Variants in TRHDE observed in about 807,000 individuals in gnomAD.
TRHDE encodes the protein thyrotropin-releasing hormone-degrading ectoenzyme.
Under a neutral mutation model 125.7 loss-of-function variants are expected in TRHDE, and 72 were observed. That is an observed-to-expected ratio of 0.57 (90% CI 0.47 to 0.70). The LOEUF (loss-of-function observed/expected upper bound fraction) is 0.70, where lower values mean the gene tolerates loss of function less well. Ranked by LOEUF, TRHDE falls within the 30% of genes least tolerant of loss-of-function variation. The probability of loss-of-function intolerance (pLI) is 0.00; values close to 1 mark genes in which losing one functional copy is unlikely to be tolerated. For missense variants in TRHDE, 1,110 were observed against 1,327.1 expected (o/e 0.84, Z 2.54); for synonymous variants, 509 against 509.1 (o/e 1.00, Z 0.00).
intron 2 of TRHDE, among the ~76,000 whole-genome samples, chr12:72,301,550 G>A (rs1868259845): frequency 6.6e-6 from 1 of 152,166 alleles, no homozygotes; most frequent in African/African-American, 2.4e-5. Context: ...GACAGTTAGT[G>A]GAAATAGCAC....
At chr12:72,099,660 G>A (rs1875022222) in intron 1 of TRHDE, among the ~76,000 whole-genome samples, 1 of 152,154 alleles carries the variant, frequency 6.6e-6, no homozygotes, top group Non-Finnish European at 1.5e-5. Context: ...ATGGTTTCAT[G>A]TAGATACAGA....
At chr12:72,155,890 C>A (rs1012740499) in intron 2 of TRHDE, among the ~76,000 whole-genome samples, 1 of 152,174 alleles carries the variant, frequency 6.6e-6, no homozygotes, top group Non-Finnish European at 1.5e-5. Context: ...TCTCTAGCTG[C>A]GTGCTGGGAG....
chr12:72,475,982 T>G (rs1876874478), intron 5 of TRHDE, among the ~76,000 whole-genome samples: 1 of 152,148 alleles, frequency 6.6e-6, no homozygotes, highest in Non-Finnish European at 1.5e-5. Context: ...AGTGGCACGA[T>G]CTTGGCTCAC....
At chr12:72,322,374 T>C (rs1437349723) in intron 2 of TRHDE, among the ~76,000 whole-genome samples, 1 of 152,130 alleles carries the variant, frequency 6.6e-6, no homozygotes, top group East Asian at 1.9e-4. Context: ...TGCTATCTAG[T>C]GTTTCTCTGT....
intron 2 of TRHDE, among the ~76,000 whole-genome samples, chr12:72,347,900 G>A (rs928321588): frequency 6.6e-6 from 1 of 151,940 alleles, no homozygotes; most frequent in African/African-American, 2.4e-5. Context: ...AGGCTCAGGT[G>A]ACACTCAAAA....
chr12:72,534,365 C>T (rs1565781359), intron 6 of TRHDE, among the ~76,000 whole-genome samples: 1 of 152,062 alleles, frequency 6.6e-6, no homozygotes, highest in Non-Finnish European at 1.5e-5. Flanking sequence ...TGGAAAGTTT[C>T]TTATCTTTGT....
chr12:72,265,861 A>C (rs754995920), intron 2 of TRHDE, among the ~76,000 whole-genome samples: 2 of 151,914 alleles, frequency 1.3e-5, no homozygotes, highest in Non-Finnish European at 2.9e-5. Context: ...ATAAGAAAAC[A>C]CTGTAGTTCA....
intron 12 of TRHDE, among the ~76,000 whole-genome samples, chr12:72,617,878 A>G (rs1469241249): frequency 6.6e-6 from 1 of 152,168 alleles, no homozygotes; most frequent in Non-Finnish European, 1.5e-5. Context: ...AGCCCTCATG[A>G]CCTAATCACT....
At chr12:72,353,013 C>G (rs1213403996) in intron 2 of TRHDE, among the ~76,000 whole-genome samples, 1 of 151,058 alleles carries the variant, frequency 6.6e-6, no homozygotes, top group Admixed American at 6.6e-5. Context: ...AAAAAATTAC[C>G]CAATACAACC....
At chr12:72,430,349 G>A (rs1001833495) in intron 3 of TRHDE, among the ~76,000 whole-genome samples, 21 of 136,648 alleles carry the variant, frequency 1.5e-4, no homozygotes, top group African/African-American at 3.7e-4. Context: ...ATATATACAT[G>A]TATACATATA....
intron 2 of TRHDE, among the ~76,000 whole-genome samples, chr12:72,122,739 G>C (rs935434836): frequency 1.3e-5 from 2 of 151,968 alleles, no homozygotes; most frequent in African/African-American, 4.8e-5. Flanking sequence ...TGGTATTAAT[G>C]ATCTAATCCA....
intron 2 of TRHDE, among the ~76,000 whole-genome samples, chr12:72,288,793 T>C (rs1879986068): frequency 6.6e-6 from 1 of 152,208 alleles, no homozygotes; most frequent in African/African-American, 2.4e-5. Flanking sequence ...TGTGACTTTT[T>C]GTTAGAGTTA....
intron 7 of TRHDE, among the ~76,000 whole-genome samples, chr12:72,561,691 C>A (rs1355393190): frequency 6.6e-6 from 1 of 152,100 alleles, no homozygotes; most frequent in Non-Finnish European, 1.5e-5. Flanking sequence ...GCAGAGAGAC[C>A]ATTGAAATGG....
Position 72,322,731 on chromosome 12 carries a change from C to A in TRHDE, c.1188+35777C>A, listed in dbSNP as rs183430758. Among the ~76,000 whole-genome samples the A allele has an allele frequency of 6.8e-4, 103 of 152,236 alleles. 1 individual carries two copies. Among genetic ancestry groups the A allele is most frequent in the Admixed American group, 6.5e-3 (99 of 15,276 alleles). On this transcript the variant is annotated intron_variant, in intron 2 of 18. Transcript: ENST00000261180. Reference sequence around the variant, plus strand: ...GATTGATTGATTTTCAATATGTGTACAGATTTGCAGATACCACTTTGGTAT... The same window carrying A: ...GATTGATTGATTTTCAATATGTGTAAAGATTTGCAGATACCACTTTGGTAT...
chr12:72,238,382 T>TA lies in TRHDE; in HGVS notation n.279+132630_279+132631insA, dbSNP rs1491567192. ...ATATATACACATACATATATATATA[T>TA]TTTTTTTTAACTTTTTTTGATAAAT... On this transcript the variant is annotated intron_variant and non_coding_transcript_variant, in intron 2 of 4. Coordinates refer to the TRHDE transcript ENST00000548156. Among the ~76,000 whole-genome samples, 25 of 51,978 alleles carry TA rather than the reference T, an allele frequency of 4.8e-4. 2 individuals carry two copies. The highest frequency in any genetic ancestry group is 6.9e-4 in the African/African-American group (11 of 16,004). 34.1% of individuals were successfully genotyped at this position (51,978 alleles called of 152,430 possible).
At chr12:72,330,717 T>G (rs563482878) in intron 2 of TRHDE, among the ~76,000 whole-genome samples, 1 of 152,326 alleles carries the variant, frequency 6.6e-6, no homozygotes, top group East Asian at 1.9e-4. Context: ...AATAAAGTAC[T>G]TTCAGAGCGA....
At chr12:72,396,700 C>T (rs534086338) in intron 3 of TRHDE, among the ~76,000 whole-genome samples, 33 of 152,190 alleles carry the variant, frequency 2.2e-4, no homozygotes, top group Admixed American at 4.6e-4. Flanking sequence ...GCCGAGATTG[C>T]GCTGCTACAC....
chr12:72,291,819 T>C (rs1044272526), intron 2 of TRHDE, among the ~76,000 whole-genome samples: 2 of 152,206 alleles, frequency 1.3e-5, no homozygotes, highest in African/African-American at 4.8e-5. Context: ...GATTTTGGTA[T>C]CCATGGGAGG....
At chr12:72,297,336 G>A (rs1031591194) in intron 2 of TRHDE, among the ~76,000 whole-genome samples, 1 of 152,162 alleles carries the variant, frequency 6.6e-6, no homozygotes, top group Admixed American at 6.5e-5. Flanking sequence ...TGAAGTGGAT[G>A]AGCTGGGAAG....
Sources: allele counts gnomAD v4.1 joint callset (sites outside exome capture counted in the v4.1 genomes callset), GRCh38; gene constraint gnomAD v4.1.1; transcripts MANE v1.5; gene names NCBI Gene and HGNC (gene_info 2026-07-23, HGNC 2026-07-21).